WDFY3: variants seen among roughly 807,000 people sequenced by gnomAD.
WDFY3 encodes the protein WD repeat and FYVE domain-containing protein 3.
Under a neutral mutation model 409.6 loss-of-function variants are expected in WDFY3, and 66 were observed. The observed-to-expected ratio is 0.16, with a 90% CI of 0.13 to 0.20. The LOEUF (loss-of-function observed/expected upper bound fraction) is 0.20. Among genes scored for constraint, WDFY3 ranks in the 10% least tolerant of loss-of-function variants. The pLI is 1.00. For synonymous variants in WDFY3, 1,521 were observed against 1,537.1 expected (o/e 0.99, Z 0.25); for missense variants, 3,031 against 4,298.1 (o/e 0.71, Z 8.24).
chr4:84,754,447 A>G (rs1350970909), intron 34 of WDFY3, among the ~76,000 whole-genome samples: 2 of 152,228 alleles, frequency 1.3e-5, no homozygotes, highest in African/African-American at 4.8e-5. Context: ...GAGACTCCTA[A>G]AACATTCTAA....
chr4:84,946,067 C>T (rs1772785902), intron 1 of WDFY3, among the ~76,000 whole-genome samples: 1 of 152,098 alleles, frequency 6.6e-6, no homozygotes, highest in Non-Finnish European at 1.5e-5. Context: ...GTGCCGTACA[C>T]AGTGTTAATG....
At chr4:84,958,534 G>A (rs1406015125) in intron 1 of WDFY3, among the ~76,000 whole-genome samples, 2 of 152,120 alleles carry the variant, frequency 1.3e-5, no homozygotes, top group Non-Finnish European at 2.9e-5. Flanking sequence ...AGTGCTAAGG[G>A]AACATCCAGG....
At chr4:84,790,588 C>T (rs1748351543) in intron 21 of WDFY3, among the ~76,000 whole-genome samples, 1 of 151,918 alleles carries the variant, frequency 6.6e-6, no homozygotes, top group Non-Finnish European at 1.5e-5. Flanking sequence ...CTAGTTGACA[C>T]CCAAAACAAA....
At chr4:84,931,203 A>G (rs1443706848) in intron 2 of WDFY3, among the ~76,000 whole-genome samples, 2 of 152,180 alleles carry the variant, frequency 1.3e-5, no homozygotes, top group African/African-American at 2.4e-5. Flanking sequence ...AAGTACTACT[A>G]TATCTTATTA....
chr4:84,889,010 G>A (rs1237206787), intron 3 of WDFY3, among the ~76,000 whole-genome samples: 1 of 151,982 alleles, frequency 6.6e-6, no homozygotes, highest in Non-Finnish European at 1.5e-5. Flanking sequence ...CAAAGGCCTT[G>A]CCTTGAAAAT....
At position 84,779,265 on chromosome 4, in the gene WDFY3, C is replaced by T. The variant is rs996531153; in HGVS notation, c.4366-610G>A. Among the ~76,000 whole-genome samples the T allele has an allele frequency of 3.3e-5, 5 of 152,122 alleles. No homozygotes were observed. The East Asian group carries it at 9.6e-4, about 29-fold the overall frequency. On this transcript the variant is annotated intron_variant, in intron 26 of 67. Transcript: ENST00000295888. ...ATACTATAATTAAATCTATACAACA[C>T]AGTAAACAGTATATTCATTATCAAT... is the stretch of plus-strand genomic sequence containing the variant.
At position 84,820,072 on chromosome 4, in the gene WDFY3, C is replaced by A; in HGVS notation, c.1693+13G>T. On this transcript the variant is annotated intron_variant, in intron 12 of 67. Coordinates refer to ENST00000295888, the MANE Select transcript of WDFY3 (RefSeq NM_014991.6). The stretch of plus-strand genomic sequence containing the variant: ...AATCTCCCAAAGTATTTGCTTGCAG[C>A]TTTTTAAATTACCTGCATTTGTGTT... The A allele has an allele frequency of 6.3e-7, 1 of 1,585,626 alleles. No homozygotes were observed. Among genetic ancestry groups the A allele is most frequent in the Non-Finnish European group, 8.6e-7 (1 of 1,165,456 alleles).
intron 44 of WDFY3, among the ~76,000 whole-genome samples, chr4:84,730,527 C>T (rs1388323247): frequency 1.3e-5 from 2 of 152,182 alleles, no homozygotes; most frequent in East Asian, 1.9e-4. Context: ...TACCTTACTA[C>T]ACTATTTAGC....
At chr4:84,844,435 A>C (rs1757800249) in intron 5 of WDFY3, 5 of 1,288,202 alleles carry the variant, frequency 3.9e-6, no homozygotes, top group Non-Finnish European at 5.1e-6. Context: ...ATATATAACC[A>C]CATCTTGGGA....
At chr4:84,700,806 A>G (rs1730958436) in intron 56 of WDFY3, among the ~76,000 whole-genome samples, 1 of 152,224 alleles carries the variant, frequency 6.6e-6, no homozygotes, top group Non-Finnish European at 1.5e-5. Flanking sequence ...AGTGAACATA[A>G]GAAAACACTA....
At position 84,755,322 on chromosome 4, in the gene WDFY3, C is replaced by T. The variant is rs1283763156; in HGVS notation, c.5503G>A (p.Val1835Ile). The change falls in exon 34 of 68, where the codon GTA (valine) becomes ATA (isoleucine). Residue 1835 changes from valine (V) to isoleucine (I), a missense_variant. Around this residue, in one of 16 missense-constraint regions of WDFY3, gnomAD observed 342 missense variants for 463.7 expected, o/e 0.74. Transcript: ENST00000295888. ...AATAAAAAAACAGCTTCTGTGCATA[C>T]GTTATGGATAGAAGAGACCACAGTT... ...SGTVVSSIHNVCTEAVFLLLG... is the reference protein window; with the variant it reads ...SGTVVSSIHNICTEAVFLLLG... The T allele has an allele frequency of 8.1e-6, 13 of 1,612,776 alleles. No individual in the cohort carries two copies. The highest frequency in any genetic ancestry group is 5.4e-5 in the African/African-American group (4 of 74,756).
intron 56 of WDFY3, among the ~76,000 whole-genome samples, chr4:84,700,080 T>G (rs746372712): frequency 2.0e-5 from 3 of 152,172 alleles, no homozygotes; most frequent in Non-Finnish European, 4.4e-5. Context: ...TATCTTTTGT[T>G]GTTGTTGCTT....
At chr4:84,880,316 A>G (rs1400570132) in intron 3 of WDFY3, among the ~76,000 whole-genome samples, 2 of 152,116 alleles carry the variant, frequency 1.3e-5, no homozygotes, top group Non-Finnish European at 2.9e-5. Context: ...AAATTGTAAG[A>G]CACTAAGTTT....
intron 2 of WDFY3, among the ~76,000 whole-genome samples, chr4:84,907,860 T>C (rs1767249951): frequency 6.6e-6 from 1 of 152,024 alleles, no homozygotes; most frequent in African/African-American, 2.4e-5. Flanking sequence ...CATTAAGTGC[T>C]CTAAACGGAT....
intron 3 of WDFY3, among the ~76,000 whole-genome samples, chr4:84,872,904 G>A (rs1762311032): frequency 6.6e-6 from 1 of 152,172 alleles, no homozygotes; most frequent in South Asian, 2.1e-4. Flanking sequence ...TTTACAAGAT[G>A]TAGTCTTTCG....
chr4:84,947,920 T>G (rs1045589647), intron 1 of WDFY3, among the ~76,000 whole-genome samples: 1 of 152,022 alleles, frequency 6.6e-6, no homozygotes, highest in African/African-American at 2.4e-5. Context: ...ATAAAATTCC[T>G]GCTAATGAGA....
Position 84,735,101 on chromosome 4 carries a change from A to C in WDFY3, c.6935T>G (p.Phe2312Cys). ...GTCACGAACAACAGCAATGTGAGTA[A>C]ACATCCACTGCGAAATCTCCTAACA... ...LSTQEISQWM[F>C]THIAVVRDLV... The change falls in exon 43 of 68, where the codon TTT (phenylalanine) becomes TGT (cysteine). Residue 2312 changes from phenylalanine to cysteine, a missense_variant. Physicochemically the swap from Phe to Cys is radical, Grantham distance 205. Transcript: ENST00000295888. 6.2e-7 allele frequency: 1 copy of C among 1,613,184 alleles called. No individual in the cohort carries two copies. The highest frequency in any genetic ancestry group is 8.5e-7 in the Non-Finnish European group (1 of 1,179,900).
chr4:84,820,095 G>T lies in WDFY3; in HGVS notation c.1683C>A (p.Asn561Lys). ...AGCTTTTTAAATTACCTGCATTTGT[G>T]TTTGATCCTTGAAGAAGCACTGTCA... ...ETLTVLLQGSNTNAGIFREFG... is the reference protein window; with the variant it reads ...ETLTVLLQGSKTNAGIFREFG... The change falls in exon 12 of 68, where the codon AAC becomes AAA. Residue 561 changes from asparagine to lysine, a missense_variant. Asn to Lys is a moderately conservative substitution (Grantham distance 94). Around this residue, in one of 16 missense-constraint regions of WDFY3, gnomAD observed 1,322 missense variants for 1,697.9 expected, o/e 0.78. Coordinates refer to ENST00000295888, the MANE Select transcript of WDFY3 (RefSeq NM_014991.6). 1.2e-6 allele frequency: 2 copies of T among 1,601,034 alleles called. No individual in the cohort carries two copies. Among genetic ancestry groups the T allele is most frequent in the Non-Finnish European group, 1.7e-6 (2 of 1,173,174 alleles).
At chr4:84,963,259 A>G (rs1030020589) in intron 1 of WDFY3, among the ~76,000 whole-genome samples, 4 of 151,830 alleles carry the variant, frequency 2.6e-5, no homozygotes, top group Non-Finnish European at 4.4e-5. Context: ...CCCCGTCTCC[A>G]CTAAAAATAC....
Sources: gnomAD v4.1 joint callset for allele counts (sites outside exome capture counted in the v4.1 genomes callset) on GRCh38, gnomAD v4.1.1 for gene constraint, gnomAD v4.1.1 regional missense constraint, MANE v1.5 for transcripts, NCBI Gene and HGNC (gene_info 2026-07-23, HGNC 2026-07-21) for gene names.